Variants in TCEANC2 observed in about 807,000 individuals in gnomAD.
TCEANC2 encodes the protein transcription elongation factor A N-terminal and central domain-containing protein 2.
TCEANC2 carries 20 observed loss-of-function variants against 22.8 expected under a neutral mutation model. The ratio of observed to expected loss-of-function variants is 0.88; its 90% CI spans 0.62 to 1.28. The LOEUF is 1.28. Ranked by LOEUF, TCEANC2 falls within the 50% of genes most tolerant of loss-of-function variation. The pLI is 0.00. For synonymous variants in TCEANC2, 84 were observed against 95.5 expected, an observed-to-expected ratio of 0.88 and a Z score of 0.70; for missense variants, 251 against 249.7, an observed-to-expected ratio of 1.01 and a Z score of -0.03.
chr1:54,076,076 A>G (rs1302599174), intron 3 of TCEANC2, among the ~76,000 whole-genome samples: 4 of 151,786 alleles, frequency 2.6e-5, no homozygotes, highest in African/African-American at 9.7e-5. Context: ...ATTTTATTTT[A>G]TGAGTATTTT....
intron 3 of TCEANC2, among the ~76,000 whole-genome samples, chr1:54,079,801 A>G (rs538863657): frequency 2.5e-4 from 38 of 152,288 alleles, no homozygotes; most frequent in Admixed American, 2.1e-3. Flanking sequence ...CATAGTCATT[A>G]TTGGGGACCA....
chr1:54,112,247 T>G (rs1304955144), exon 5 of TCEANC2: 2 of 152,064 alleles, frequency 1.3e-5, no homozygotes, highest in Non-Finnish European at 1.5e-5. Flanking sequence ...GCACCTGTAG[T>G]CCCAGCCACT....
chr1:54,112,277 G>A (rs556824653), exon 5 of TCEANC2: 1 of 152,312 alleles, frequency 6.6e-6, no homozygotes, highest in South Asian at 2.1e-4. Context: ...GAGGCGGGAG[G>A]ATCACTTGAG....
Position 54,102,591 on chromosome 1 carries a change from G to A in TCEANC2, c.*6118G>A, listed in dbSNP as rs1205964223. ...ATACAACTGGGGTTGGGCATAGCAG[G>A]GCCAGAGGGCAGAAGATAGTTACGT... On this transcript the variant is annotated 3_prime_UTR_variant, in exon 5 of 5. Transcript: ENST00000234827. 4 of 152,298 alleles carry A rather than the reference G, an allele frequency of 2.6e-5. No homozygotes were observed. The East Asian group carries it at 7.7e-4, about 29-fold the overall frequency. The allele number at this position is 152,298 out of a possible 1,614,324, so 9.4% of individuals were successfully genotyped here. A position where few individuals can be genotyped will look rare whatever the true frequency, so the allele number is the denominator to read the frequency against.
At chr1:54,086,002 G>A (rs1234013577) in intron 3 of TCEANC2, among the ~76,000 whole-genome samples, 1 of 152,130 alleles carries the variant, frequency 6.6e-6, no homozygotes, top group Non-Finnish European at 1.5e-5. Flanking sequence ...GCAAAGTGTT[G>A]AGATTATAGG....
exon 5 of TCEANC2, chr1:54,112,452 A>C (rs1266136148): frequency 6.6e-6 from 1 of 152,212 alleles, no homozygotes; most frequent in Non-Finnish European, 1.5e-5. Flanking sequence ...GACTATGCTC[A>C]GTGCTTTTCA....
At chr1:54,087,643 A>G (rs1396321135) in intron 3 of TCEANC2, among the ~76,000 whole-genome samples, 2 of 152,220 alleles carry the variant, frequency 1.3e-5, no homozygotes, top group African/African-American at 4.8e-5. Flanking sequence ...ATCTTTTAAC[A>G]GTTGGTTTGT....
At chr1:54,084,466 CTT>C (rs891744129) in intron 3 of TCEANC2, among the ~76,000 whole-genome samples, 1 of 152,184 alleles carries the variant, frequency 6.6e-6, no homozygotes, top group African/African-American at 2.4e-5. Context: ...CATGTGTCTT[CTT>C]TGTACACTTT....
chr1:54,054,653 C>G, intron 2 of TCEANC2, 129 bp downstream of exon 2: 1 of 906,342 alleles, frequency 1.1e-6, no homozygotes, highest in Non-Finnish European at 1.6e-6. Flanking sequence ...TACCTGACCA[C>G]TCCTCCTTTG....
chr1:54,053,856 G>C (rs1008288821), intron 1 of TCEANC2, 98 bp downstream of exon 1: 2 of 153,882 alleles, frequency 1.3e-5, no homozygotes, highest in African/African-American at 4.8e-5. Flanking sequence ...GGGATCCAGA[G>C]ATTACAGCCG....
In TCEANC2 at chr1:54,102,201, A is replaced by G. The variant is rs998603315; in HGVS notation, c.*5728A>G. The G allele has an allele frequency of 1.3e-5, 2 of 152,258 alleles. No homozygotes were observed. Among genetic ancestry groups the G allele is most frequent in the African/African-American group, 4.8e-5 (2 of 41,468 alleles). 9.4% of individuals were successfully genotyped at this position (152,258 alleles called of 1,614,324 possible). ...GGCCCAGAGCAGGAAAGGGCTCAGC[A>G]GAAGCTCCAGGCTACAACACAAGTG... is the stretch of plus-strand genomic sequence containing the variant. On this transcript the variant is annotated 3_prime_UTR_variant, in exon 5 of 5. Transcript: ENST00000234827.
chr1:54,058,577 G>A (rs1657794197), intron 2 of TCEANC2, among the ~76,000 whole-genome samples: 1 of 152,174 alleles, frequency 6.6e-6, no homozygotes, highest in Non-Finnish European at 1.5e-5. Flanking sequence ...CTACCCCAGT[G>A]CGCTTATCGT....
At chr1:54,073,518 C>T (rs905965679) in intron 3 of TCEANC2, among the ~76,000 whole-genome samples, 2 of 152,108 alleles carry the variant, frequency 1.3e-5, no homozygotes, top group Admixed American at 1.3e-4. Context: ...CCTGAGTGCA[C>T]CCTTCTAGCC....
intron 1 of TCEANC2, 26 bp from the exon 2 acceptor site, chr1:54,054,355 T>C: frequency 6.3e-7 from 1 of 1,596,896 alleles, no homozygotes; most frequent in Non-Finnish European, 8.5e-7. Context: ...AGTGGGGTTT[T>C]AGAATCTGCC....
At chr1:54,092,245 T>C (rs1658459473) in intron 4 of TCEANC2, among the ~76,000 whole-genome samples, 2 of 152,188 alleles carry the variant, frequency 1.3e-5, no homozygotes, top group African/African-American at 4.8e-5. Context: ...GCATTCCCTA[T>C]CCTAAGAAAG....
chr1:54,099,115 G>A lies in TCEANC2; in HGVS notation c.*2642G>A, dbSNP rs1376358676. 6.6e-6 allele frequency: 1 copy of A among 152,256 alleles called. No homozygotes were observed. The highest frequency in any genetic ancestry group is 2.4e-5 in the African/African-American group (1 of 41,460). The allele number at this position is 152,256 out of a possible 1,614,324, so 9.4% of individuals were successfully genotyped here. A position where few individuals can be genotyped will look rare whatever the true frequency, so the allele number is the denominator to read the frequency against. ...ATAGGCTATGTGGAAGAGAAGCTGG[G>A]GTAGGGAGACAGGAAGTAGCAAGCT... On this transcript the variant is annotated 3_prime_UTR_variant, in exon 5 of 5. Transcript: ENST00000234827.
chr1:54,111,702 TC>T (rs1658842423), exon 5 of TCEANC2: 1 of 152,248 alleles, frequency 6.6e-6, no homozygotes, highest in African/African-American at 2.4e-5. Context: ...AGTATCACCA[TC>T]CTCATTTGGC....
In TCEANC2 at chr1:54,096,310, T is replaced by C. The variant is rs1252778212; in HGVS notation, c.464T>C (p.Ile155Thr). ...ATGGATCACCTACTGGTTGAAAATA[T>C]TGAACGGGAAACGTTTCATCTCTGC... ...LKMDHLLVEN[I>T]ERETFHLCSR... The change falls in exon 5 of 5, where the codon ATT becomes ACT. Residue 155 changes from isoleucine to threonine, a missense_variant. Physicochemically the swap from Ile to Thr is moderately conservative, Grantham distance 89. Transcript: ENST00000234827. This position sits in a 1 kb window ranked among gnomAD's most constrained non-coding sequence, Gnocchi z 4.9. The C allele has an allele frequency of 1.3e-6, 2 of 1,599,016 alleles. No homozygotes were observed.
intron 2 of TCEANC2, among the ~76,000 whole-genome samples, chr1:54,062,622 A>G (rs1034994718): frequency 2.0e-5 from 3 of 152,274 alleles, no homozygotes; most frequent in African/African-American, 7.2e-5. Context: ...AGGAGTCTAT[A>G]CAAGTTGCAG....
Sources: allele counts gnomAD v4.1 joint callset (sites outside exome capture counted in the v4.1 genomes callset), GRCh38; gene constraint gnomAD v4.1.1; non-coding constraint Gnocchi (gnomAD v3.1); transcripts MANE v1.5; gene names NCBI Gene and HGNC (gene_info 2026-07-23, HGNC 2026-07-21).